The following DNAAF6 variants were observed in gnomAD, a reference collection of about 807,000 sequenced individuals.
The protein encoded by DNAAF6 is PIH1 domain containing 3.
A neutral mutation model predicts 13.7 loss-of-function variants in DNAAF6; 3 were observed. That is an observed-to-expected ratio of 0.22 (90% confidence interval 0.10 to 0.56). The LOEUF is 0.56. Ranked by LOEUF, DNAAF6 falls within the 20% of genes least tolerant of loss-of-function variation. DNAAF6 has a pLI of 0.92. For missense variants in DNAAF6, 130 were observed against 151.0 expected (o/e 0.86, Z 0.73); for synonymous variants, 54 against 49.2 (o/e 1.10, Z -0.41).
At chrX:107,226,741 T>C (rs764054097) in intron 5 of DNAAF6, among the ~76,000 whole-genome samples, 23 of 111,660 alleles carry the variant, frequency 2.1e-4, no homozygotes, top group African/African-American at 7.5e-4. Flanking sequence ...TGAACACATA[T>C]TTTGATGTTT....
intron 1 of DNAAF6, among the ~76,000 whole-genome samples, chrX:107,212,618 G>T (rs774503117): frequency 8.9e-6 from 1 of 111,893 alleles, no homozygotes; most frequent in African/African-American, 3.2e-5. Context: ...CACTATACTA[G>T]GTGCTCAATA....
At chrX:107,210,655 G>A (rs1024595521) in intron 1 of DNAAF6, among the ~76,000 whole-genome samples, 7 of 110,374 alleles carry the variant, frequency 6.3e-5, no homozygotes, top group African/African-American at 2.3e-4. Context: ...CTGAGCTCAC[G>A]TGACCCGTGA....
chrX:107,235,908 C>G (rs1928503096), intron 5 of DNAAF6, among the ~76,000 whole-genome samples: 1 of 110,996 alleles, frequency 9.0e-6, no homozygotes, highest in Non-Finnish European at 1.9e-5. Flanking sequence ...GGGAGGATCA[C>G]TTGAGCCCGG....
intron 5 of DNAAF6, among the ~76,000 whole-genome samples, chrX:107,229,127 C>CTTGTTTTTTTTTTTTTTTTTTTT: frequency 1.9e-5 from 1 of 51,586 alleles, no homozygotes; most frequent in East Asian, 6.7e-4. Context: ...GTTGACTACT[C>CTTGTTTTTTTTTTTTTTTTTTTT]TTTTTTTTTT....
At chrX:107,234,105 G>GTTGAGGTTACTC (rs11271204) in intron 5 of DNAAF6, among the ~76,000 whole-genome samples, 2 of 110,323 alleles carry the variant, frequency 1.8e-5, no homozygotes. Flanking sequence ...TGCAGAGTGA[G>GTTGAGGTTACTC]TTGACTCCTG....
intron 5 of DNAAF6, among the ~76,000 whole-genome samples, chrX:107,225,862 C>G (rs1352525328): frequency 2.7e-5 from 3 of 112,100 alleles, no homozygotes; most frequent in Non-Finnish European, 5.6e-5. Flanking sequence ...CTGCTTTACT[C>G]CTGAGTTTGT....
intron 5 of DNAAF6, among the ~76,000 whole-genome samples, chrX:107,235,707 T>C (rs1435387056): frequency 1.8e-5 from 2 of 111,591 alleles, no homozygotes; most frequent in Admixed American, 9.6e-5. Flanking sequence ...ACCATCTAGC[T>C]AAGCCATTCC....
chrX:107,230,935 G>A (rs1352430263), intron 5 of DNAAF6, among the ~76,000 whole-genome samples: 3 of 111,204 alleles, frequency 2.7e-5, no homozygotes, highest in Non-Finnish European at 3.8e-5. Context: ...TTCCACCTGG[G>A]TATTCCACCT....
chrX:107,222,519 A>G (rs972425149), intron 4 of DNAAF6, among the ~76,000 whole-genome samples: 2 of 111,604 alleles, frequency 1.8e-5, no homozygotes, highest in African/African-American at 6.5e-5. Context: ...TTAAAGCTTT[A>G]TTTTAGAAAA....
intron 4 of DNAAF6, among the ~76,000 whole-genome samples, chrX:107,220,837 T>C (rs1015519693): frequency 8.9e-6 from 1 of 112,180 alleles, no homozygotes; most frequent in Non-Finnish European, 1.9e-5. Flanking sequence ...ATAATGCCAT[T>C]AACTTTGATA....
intron 1 of DNAAF6, among the ~76,000 whole-genome samples, chrX:107,209,703 G>A (rs1927808142): frequency 8.9e-6 from 1 of 112,072 alleles, no homozygotes; most frequent in Non-Finnish European, 1.9e-5. Flanking sequence ...CAAAGTGCTG[G>A]GATTACAGAC....
In DNAAF6 at chrX:107,231,852, T is replaced by C. The variant is rs142719625; in HGVS notation, c.430-7070T>C. On this transcript the variant is annotated intron_variant, in intron 5 of 6. Coordinates refer to ENST00000372453, the MANE Select transcript of DNAAF6 (RefSeq NM_173494.2). Reference sequence around the variant, plus strand: ...CATCTTTTTAAATTGATAGATAAATTTCTTTTTTTTCTTTTTGTTTTTTGA... The same window carrying C: ...CATCTTTTTAAATTGATAGATAAATCTCTTTTTTTTCTTTTTGTTTTTTGA... Among the ~76,000 whole-genome samples, 842 of 111,199 alleles carry C rather than the reference T, an allele frequency of 7.6e-3. 13 individuals carry two copies. The highest frequency in any genetic ancestry group is 0.026 in the African/African-American group (786 of 30,612).
chrX:107,215,014 G>T (rs191183681), intron 2 of DNAAF6, among the ~76,000 whole-genome samples: 2 of 111,134 alleles, frequency 1.8e-5, no homozygotes, highest in Non-Finnish European at 3.8e-5. Context: ...ACATTATAAC[G>T]AGGATGTTCT....
chrX:107,233,106 T>C (rs1928444732), intron 5 of DNAAF6, among the ~76,000 whole-genome samples: 1 of 111,396 alleles, frequency 9.0e-6, no homozygotes, highest in South Asian at 3.8e-4. Flanking sequence ...ATCTTAGAAA[T>C]ATCAATAAAG....
intron 5 of DNAAF6, among the ~76,000 whole-genome samples, chrX:107,225,562 T>C (rs1556035068): frequency 9.0e-6 from 1 of 111,014 alleles, no homozygotes; most frequent in East Asian, 2.8e-4. Flanking sequence ...TATGTAACAA[T>C]CCAATCCAAA....
chrX:107,226,793 G>A (rs1404013048), intron 5 of DNAAF6, among the ~76,000 whole-genome samples: 3 of 111,123 alleles, frequency 2.7e-5, no homozygotes, highest in Non-Finnish European at 5.7e-5. Flanking sequence ...ATTCTGATAT[G>A]ACCCAAGAAA....
intron 2 of DNAAF6, among the ~76,000 whole-genome samples, chrX:107,215,347 A>G (rs1927953937): frequency 2.7e-5 from 3 of 111,304 alleles, no homozygotes; most frequent in Non-Finnish European, 3.8e-5. Flanking sequence ...CAACTAAACA[A>G]GAGGCCCTCA....
At chrX:107,234,090 C>G (rs1451483802) in intron 5 of DNAAF6, among the ~76,000 whole-genome samples, 1 of 96,920 alleles carries the variant, frequency 1.0e-5, no homozygotes, top group Admixed American at 1.1e-4. Context: ...GATGAATGTT[C>G]TTACTGCAGA....
chrX:107,221,605 T>C (rs1928143059), intron 4 of DNAAF6, among the ~76,000 whole-genome samples: 1 of 111,305 alleles, frequency 9.0e-6, no homozygotes, highest in East Asian at 2.8e-4. Flanking sequence ...AGTTGGAAAA[T>C]TGCGTCTGGA....
Sources: gnomAD v4.1 joint callset for allele counts (sites outside exome capture counted in the v4.1 genomes callset) on GRCh38, gnomAD v4.1.1 for gene constraint, MANE v1.5 for transcripts, NCBI Gene and HGNC (gene_info 2026-07-23, HGNC 2026-07-21) for gene names.